DENND3: variants seen among roughly 807,000 people sequenced by gnomAD.
DENND3 encodes DENN domain-containing protein 3.
DENND3 carries 88 observed loss-of-function variants against 135.1 expected under a neutral mutation model. The ratio of observed to expected loss-of-function variants is 0.65; its 90% CI spans 0.55 to 0.78. The LOEUF (loss-of-function observed/expected upper bound fraction) is 0.78. Among genes scored for constraint, DENND3 ranks in the 30% least tolerant of loss-of-function variants. The pLI is 0.00. For synonymous variants in DENND3, 693 were observed against 712.3 expected (o/e 0.97, Z 0.43); for missense variants, 1,392 against 1,688.4 (o/e 0.82, Z 3.08).
chr8:141,161,881 ACTGCCGCCTCCCAAGTTTAAGCAATTCTC>A (rs1820182424), intron 9 of DENND3, among the ~76,000 whole-genome samples: 1 of 151,036 alleles, frequency 6.6e-6, no homozygotes, highest in Non-Finnish European at 1.5e-5. Context: ...GCTCACTGCA[ACTGCCGCCTCCCAAGTTTAAGCAATTCTC>A]CTGCCTCGGC....
At position 141,180,744 on chromosome 8, in the gene DENND3, C is replaced by G. The variant is rs1220814950; in HGVS notation, c.2837-3C>G. The G allele has an allele frequency of 1.2e-6, 2 of 1,611,958 alleles. No homozygotes were observed. Among genetic ancestry groups the G allele is most frequent in the Non-Finnish European group, 1.7e-6 (2 of 1,178,950 alleles). The stretch of plus-strand genomic sequence containing the variant: ...GTAACACTCCAAGTGTCTTGTCTTT[C>G]AGTGCCCATGACGCTTCCGGAGACA... On this transcript the variant is annotated splice_polypyrimidine_tract_variant and splice_region_variant and intron_variant, in intron 16 of 22. Transcript: ENST00000519811.
rs1309951944 is a variant in DENND3 at position 141,145,828 on chromosome 8, TATATATATATATATATATATATGTA to T, written c.735+1570_735+1594del. Among the ~76,000 whole-genome samples the T allele has an allele frequency of 8.4e-4, 76 of 90,676 alleles. 1 individual carries two copies. Among genetic ancestry groups the T allele is most frequent in the African/African-American group, 3.3e-3 (52 of 15,708 alleles). The allele number at this position is 90,676 out of a possible 152,430, so 59.5% of individuals were successfully genotyped here. On this transcript the variant is annotated intron_variant, in intron 5 of 22. Coordinates refer to ENST00000519811, the MANE Select transcript of DENND3 (RefSeq NM_001352890.3). ...TTATATATATATATATATATATATA[TATATATATATATATATATATATGTA>T]TTTTTTTTTTTTTGAGGCGGAGTCT...
At position 141,192,609 on chromosome 8, in the gene DENND3, G is replaced by C. The variant is rs1174090550; in HGVS notation, c.3582G>C (p.Arg1194Ser). 6.3e-7 allele frequency: 1 copy of C among 1,593,214 alleles called. No individual in the cohort carries two copies. The highest frequency in any genetic ancestry group is 8.6e-7 in the Non-Finnish European group (1 of 1,166,552). The change falls in exon 22 of 23, where the codon AGG becomes AGC. Residue 1194 changes from arginine (R) to serine (S), a missense_variant. Arg to Ser is a moderately radical substitution (Grantham distance 110). Coordinates refer to ENST00000519811, the MANE Select transcript of DENND3 (RefSeq NM_001352890.3). Reference sequence around the variant, plus strand: ...AGGACCTGGCCCAGCCCCCGCAGAGGGTGCCCCTCGAGGACTGCTCTGAGA... The same window carrying C: ...AGGACCTGGCCCAGCCCCCGCAGAGCGTGCCCCTCGAGGACTGCTCTGAGA... ...SLKDLAQPPQRVPLEDCSEIN... is the reference protein window; with the variant it reads ...SLKDLAQPPQSVPLEDCSEIN...
At chr8:141,172,606 C>T (rs950849093) in intron 13 of DENND3, among the ~76,000 whole-genome samples, 1 of 152,214 alleles carries the variant, frequency 6.6e-6, no homozygotes, top group Admixed American at 6.5e-5. Flanking sequence ...GCTCCACACT[C>T]AGGGTGTCTG....
chr8:141,164,832 A>G (rs1489440112), intron 10 of DENND3, among the ~76,000 whole-genome samples: 2 of 152,178 alleles, frequency 1.3e-5, no homozygotes, highest in African/African-American at 4.8e-5. Context: ...GCATCTGAAA[A>G]CAGTCGTTTC....
At chr8:141,177,030 AG>A in intron 15 of DENND3, 2 of 430,170 alleles carry the variant, frequency 4.6e-6, no homozygotes, top group South Asian at 6.2e-5. Flanking sequence ...TGCCCGCTCC[AG>A]ACTGGCGACA....
intron 15 of DENND3, 134 bp from the exon 16 acceptor site, chr8:141,177,933 C>T: frequency 2.6e-6 from 3 of 1,132,670 alleles, no homozygotes; most frequent in Non-Finnish European, 2.4e-6. Context: ...CCAAATTCAT[C>T]CGTGATCTAA....
intron 1 of DENND3, chr8:141,129,874 C>T (rs1475550797): frequency 6.6e-6 from 1 of 152,268 alleles, no homozygotes; most frequent in East Asian, 1.9e-4. Context: ...AGTACCAAGC[C>T]AGTTTCGACT....
Position 141,137,834 on chromosome 8 carries a change from G to A in DENND3, c.386-188G>A, listed in dbSNP as rs1816953153. Among the ~76,000 whole-genome samples, 1 of 152,246 alleles carries A rather than the reference G, an allele frequency of 6.6e-6. No homozygotes were observed. On this transcript the variant is annotated intron_variant, in intron 2 of 22. Transcript: ENST00000519811. The surrounding 1 kb of genome is among the most constrained non-coding windows in gnomAD (Gnocchi z 4.1). The stretch of plus-strand genomic sequence containing the variant: ...TGAGAGCTTGTAAAGAAATTGCTGT[G>A]TGGGGAGGGACTCAGGGAGGATAGA...
chr8:141,139,284 G>C lies in DENND3; in HGVS notation c.501+1147G>C, dbSNP rs1301516687. On this transcript the variant is annotated intron_variant, in intron 3 of 22. Coordinates refer to ENST00000519811, the MANE Select transcript of DENND3 (RefSeq NM_001352890.3). The surrounding 1 kb of genome is among the most constrained non-coding windows in gnomAD (Gnocchi z 4.2). The stretch of plus-strand genomic sequence containing the variant: ...GACATTGAGTGTTGGGAGGCGTGAG[G>C]TATAATCACATGGATTCTGTCCCTG... 6.6e-6 allele frequency among the ~76,000 whole-genome samples: 1 copy of C among 152,164 alleles called. No homozygotes were observed. Among genetic ancestry groups the C allele is most frequent in the African/African-American group, 2.4e-5 (1 of 41,438 alleles).
intron 8 of DENND3, among the ~76,000 whole-genome samples, chr8:141,158,575 C>T (rs1189479813): frequency 6.6e-6 from 1 of 152,206 alleles, no homozygotes; most frequent in East Asian, 1.9e-4. Flanking sequence ...GGTGACCTGT[C>T]TATAAGAGGC....
intron 5 of DENND3, among the ~76,000 whole-genome samples, chr8:141,148,314 C>A (rs1818397861): frequency 6.6e-6 from 1 of 152,188 alleles, no homozygotes. Context: ...CCTTGATTCC[C>A]TGGTTCCCGT....
At chr8:141,178,225 C>A (rs1456749904) in intron 16 of DENND3, 29 bp downstream of exon 16, 2 of 1,594,190 alleles carry the variant, frequency 1.3e-6, no homozygotes, top group African/African-American at 1.3e-5. Context: ...TAGCGTGGAT[C>A]ATTGTCCTGA....
intron 14 of DENND3, chr8:141,176,290 A>AC (rs1555551150): frequency 3.3e-5 from 7 of 212,266 alleles, no homozygotes; most frequent in Middle Eastern, 1.3e-3. Context: ...AACAAAACAA[A>AC]AAAAAAAAAA....
chr8:141,173,897 A>T (rs959838964), intron 13 of DENND3, among the ~76,000 whole-genome samples: 1 of 152,240 alleles, frequency 6.6e-6, no homozygotes, highest in Non-Finnish European at 1.5e-5. Context: ...AGGTGGCTGT[A>T]AGGATTCAGT....
chr8:141,143,660 A>G (rs1437939277), intron 4 of DENND3, among the ~76,000 whole-genome samples: 1 of 151,888 alleles, frequency 6.6e-6, no homozygotes, highest in Non-Finnish European at 1.5e-5. Context: ...CCCACCTTGG[A>G]CTCCCAAGGT....
rs1182921067 is a variant in DENND3 at position 141,154,500 on chromosome 8, A to C, written c.1075-1349A>C. ...CTCCAAGACTCCCAAAAAGCAGTAC[A>C]TGCAGTGTTTGTTCCAGGGTAGGAG... On this transcript the variant is annotated intron_variant, in intron 7 of 22. Coordinates refer to ENST00000519811, the MANE Select transcript of DENND3 (RefSeq NM_001352890.3). The surrounding 1 kb of genome is among the most constrained non-coding windows in gnomAD (Gnocchi z 4.4). Among the ~76,000 whole-genome samples, 1 of 151,914 alleles carries C rather than the reference A, an allele frequency of 6.6e-6. No individual in the cohort carries two copies. Among genetic ancestry groups the C allele is most frequent in the African/African-American group, 2.4e-5 (1 of 41,346 alleles).
Position 141,183,685 on chromosome 8 carries a change from C to T in DENND3, c.2945-1454C>T, listed in dbSNP as rs112729149. ...CTCTGGCAGGCTCAGGTGGGAATGA[C>T]GGGTGAGAAGCCACTGAAGACGTCC... On this transcript the variant is annotated intron_variant, in intron 17 of 22. Transcript: ENST00000519811. Among the ~76,000 whole-genome samples, 769 of 149,686 alleles carry T rather than the reference C, an allele frequency of 5.1e-3. 4 individuals are homozygous for T. The highest frequency in any genetic ancestry group is 0.017 in the African/African-American group (681 of 40,332).
At chr8:141,179,107 T>G (rs1445142716) in intron 16 of DENND3, among the ~76,000 whole-genome samples, 1 of 152,246 alleles carries the variant, frequency 6.6e-6, no homozygotes. Context: ...CAGTTTGCTC[T>G]CTTTGTGGCA....
Sources: gnomAD v4.1 joint callset for allele counts (sites outside exome capture counted in the v4.1 genomes callset) on GRCh38, gnomAD v4.1.1 for gene constraint, Gnocchi (gnomAD v3.1) non-coding constraint, MANE v1.5 for transcripts, NCBI Gene and HGNC (gene_info 2026-07-23, HGNC 2026-07-21) for gene names.